KCNQ1: variants seen among roughly 807,000 people sequenced by gnomAD.
KCNQ1 encodes potassium voltage-gated channel subfamily KQT member 1.
In KCNQ1, 49 loss-of-function variants were observed where a neutral mutation model predicts 72.4. That is an observed-to-expected ratio of 0.68 (90% CI 0.54 to 0.86). The LOEUF (loss-of-function observed/expected upper bound fraction) is 0.86, where lower values mean the gene tolerates loss of function less well. Among genes scored for constraint, KCNQ1 ranks in the 40% least tolerant of loss-of-function variants. The pLI is 0.00. For synonymous variants in KCNQ1, 450 were observed against 412.6 expected, an observed-to-expected ratio of 1.09 and a Z score of -1.10; for missense variants, 790 against 945.1, an observed-to-expected ratio of 0.84 and a Z score of 2.15.
chr11:2,587,733 A>G (rs766804212), intron 9 of KCNQ1, 41 bp downstream of exon 9: 1 of 1,613,070 alleles, frequency 6.2e-7, no homozygotes, highest in South Asian at 1.1e-5. Context: ...CCTTCTTGCT[A>G]GCAGGTGGGG....
chr11:2,641,072 A>G (rs747046497), intron 10 of KCNQ1: 11 of 398,364 alleles, frequency 2.8e-5, no homozygotes, highest in Non-Finnish European at 4.4e-5. Context: ...CCACTGATGT[A>G]CACTTAGGTT....
At chr11:2,804,249 C>A (rs964804412) in intron 15 of KCNQ1, among the ~76,000 whole-genome samples, 14 of 152,200 alleles carry the variant, frequency 9.2e-5, no homozygotes, top group Non-Finnish European at 1.6e-4. Context: ...CCGAGCCCTG[C>A]AAATGCCTCG....
chr11:2,728,159 C>G (rs1845797534), intron 11 of KCNQ1, among the ~76,000 whole-genome samples: 1 of 152,134 alleles, frequency 6.6e-6, no homozygotes, highest in South Asian at 2.1e-4. Flanking sequence ...TGGTTCTGTC[C>G]TCCCCTCACA....
chr11:2,615,836 G>A (rs1849052532), intron 10 of KCNQ1: 4 of 397,920 alleles, frequency 1.0e-5, no homozygotes, highest in Non-Finnish European at 1.8e-5. Flanking sequence ...TTTTCTTGTG[G>A]TATATTTGTC....
chr11:2,638,471 A>G (rs1849515785), intron 10 of KCNQ1: 2 of 152,168 alleles, frequency 1.3e-5, no homozygotes, highest in Admixed American at 1.3e-4. Flanking sequence ...TGGGTTGAAA[A>G]TTCTTTTCTT....
chr11:2,845,088 C>T (rs1848295287), intron 15 of KCNQ1, among the ~76,000 whole-genome samples: 1 of 152,202 alleles, frequency 6.6e-6, no homozygotes, highest in African/African-American at 2.4e-5. Flanking sequence ...CCCATGACCC[C>T]TACCAGGCAT....
chr11:2,644,213 TG>T (rs746992827), intron 10 of KCNQ1: 38 of 398,468 alleles, frequency 9.5e-5, no homozygotes, highest in Non-Finnish European at 1.5e-4. Flanking sequence ...CTTCACCTTC[TG>T]GGACACTGAA....
Position 2,482,232 on chromosome 11 carries a change from G to A in KCNQ1, c.386+36748G>A, listed in dbSNP as rs1205109311. On this transcript the variant is annotated intron_variant, in intron 1 of 15. Coordinates refer to ENST00000155840, the MANE Select transcript of KCNQ1 (RefSeq NM_000218.3). This position sits in a 1 kb window ranked among gnomAD's most constrained non-coding sequence, Gnocchi z 5.7. ...TGTGTGTGTGTGCATACTTGCCTAT[G>A]TGTGTCTGTGCAAATACTTGGTAAA... is the stretch of plus-strand genomic sequence containing the variant. Among the ~76,000 whole-genome samples, 1 of 152,150 alleles carries A rather than the reference G, an allele frequency of 6.6e-6. No individual in the cohort carries two copies. Among genetic ancestry groups the A allele is most frequent in the Non-Finnish European group, 1.5e-5 (1 of 68,040 alleles).
intron 1 of KCNQ1, among the ~76,000 whole-genome samples, chr11:2,456,262 G>A (rs10741622): frequency 0.62 from 93,897 of 151,236 alleles, 32,926 homozygotes; most frequent in Non-Finnish European, 0.79. Context: ...GCACCACTGC[G>A]CTCCAGCCTG....
chr11:2,847,590 C>T (rs968439758), intron 15 of KCNQ1, among the ~76,000 whole-genome samples, 177 bp from the exon 16 acceptor site: 2 of 152,204 alleles, frequency 1.3e-5, no homozygotes, highest in Non-Finnish European at 2.9e-5. Flanking sequence ...CACACACAGG[C>T]GCGACCGAGG....
intron 11 of KCNQ1, chr11:2,685,608 G>C: frequency 2.5e-6 from 1 of 398,740 alleles, no homozygotes; most frequent in Non-Finnish European, 4.4e-6. Context: ...GAGGGTTGCA[G>C]CTGGCTGTTG....
intron 10 of KCNQ1, chr11:2,614,692 GTGTT>G (rs1414605974): frequency 1.0e-5 from 4 of 398,430 alleles, no homozygotes; most frequent in Non-Finnish European, 1.3e-5. Flanking sequence ...ATATATGTGA[GTGTT>G]TATTTCTACA....
rs1846123520 is a variant in KCNQ1 at position 2,451,886 on chromosome 11, AGAAGCCCTTAGGATG to A, written c.386+6403_386+6417del. On this transcript the variant is annotated intron_variant, in intron 1 of 15. Transcript: ENST00000155840. The surrounding 1 kb of genome is among the most constrained non-coding windows in gnomAD (Gnocchi z 6.4). ...ACACCCAGAAGCCCTTAGGATGCCC[AGAAGCCCTTAGGATG>A]CTGTGGTCTCAAGTGAGGTGGTGCA... 6.6e-6 allele frequency among the ~76,000 whole-genome samples: 1 copy of A among 152,196 alleles called. No individual in the cohort carries two copies. Among genetic ancestry groups the A allele is most frequent in the Non-Finnish European group, 1.5e-5 (1 of 68,032 alleles).
In KCNQ1 at chr11:2,633,720, CTA is replaced by C. The variant is rs1411447012; in HGVS notation, c.1394-28237_1394-28236del. The C allele has an allele frequency of 7.5e-6, 3 of 398,388 alleles. No homozygotes were observed. The Admixed American group carries it at 1.3e-4, about 18-fold the overall frequency. 24.7% of individuals were successfully genotyped at this position (398,388 alleles called of 1,614,324 possible). ...GGGTTCTCTATTCTGTTCCATTGGT[CTA>C]TATGTCTGTTTTATGCCCATTGCAT... On this transcript the variant is annotated intron_variant, in intron 10 of 15. Coordinates refer to ENST00000155840, the MANE Select transcript of KCNQ1 (RefSeq NM_000218.3).
intron 12 of KCNQ1, among the ~76,000 whole-genome samples, chr11:2,771,177 G>A (rs1846592441): frequency 6.6e-6 from 1 of 152,248 alleles, no homozygotes; most frequent in African/African-American, 2.4e-5. Flanking sequence ...CAAGGTCTGG[G>A]GGAACCCAGC....
At chr11:2,605,605 G>C (rs972155792) in intron 10 of KCNQ1, among the ~76,000 whole-genome samples, 9 of 152,104 alleles carry the variant, frequency 5.9e-5, no homozygotes, top group Admixed American at 3.3e-4. Flanking sequence ...TAGATATATG[G>C]CTCCGTTTTT....
Position 2,587,555 on chromosome 11 carries a change from C to G in KCNQ1, c.1129-15C>G, listed in dbSNP as rs1848609024. Reference sequence around the variant, plus strand: ...GGCTCAGCAGGTGACAGCCTGTCCCCCTGCCCGACCTCAGACCGCATGGAG... The same window carrying G: ...GGCTCAGCAGGTGACAGCCTGTCCCGCTGCCCGACCTCAGACCGCATGGAG... On this transcript the variant is annotated splice_polypyrimidine_tract_variant and intron_variant, in intron 8 of 15. Coordinates refer to ENST00000155840, the MANE Select transcript of KCNQ1 (RefSeq NM_000218.3). The G allele has an allele frequency of 6.2e-7, 1 of 1,613,562 alleles. No homozygotes were observed. The highest frequency in any genetic ancestry group is 8.5e-7 in the Non-Finnish European group (1 of 1,180,006).
intron 5 of KCNQ1, among the ~76,000 whole-genome samples, chr11:2,572,643 C>A (rs537527401): frequency 6.6e-6 from 1 of 152,338 alleles, no homozygotes; most frequent in Admixed American, 6.5e-5. Context: ...CAGGGCTGAG[C>A]CTCATTCTGG....
At chr11:2,708,531 A>G (rs1850950057) in intron 11 of KCNQ1, among the ~76,000 whole-genome samples, 1 of 152,096 alleles carries the variant, frequency 6.6e-6, no homozygotes, top group Non-Finnish European at 1.5e-5. Context: ...CAGCAAAGGG[A>G]CCAACCCCAA....
Sources: allele counts gnomAD v4.1 joint callset (sites outside exome capture counted in the v4.1 genomes callset), GRCh38; gene constraint gnomAD v4.1.1; non-coding constraint Gnocchi (gnomAD v3.1); transcripts MANE v1.5; gene names NCBI Gene and HGNC (gene_info 2026-07-23, HGNC 2026-07-21).